Variants in SCD5 observed in about 807,000 individuals in gnomAD.
SCD5 encodes the protein acyl-CoA-desaturase 4.
In SCD5, 20 loss-of-function variants were observed where a neutral mutation model predicts 30.4. The observed-to-expected ratio is 0.66, with a 90% CI of 0.46 to 0.96. The LOEUF is 0.96. Ranked by LOEUF, SCD5 falls within the 40% of genes least tolerant of loss-of-function variation. The probability of loss-of-function intolerance (pLI) is 0.00; values close to 1 mark genes in which losing one functional copy is unlikely to be tolerated. For missense variants in SCD5, 381 were observed against 443.3 expected (o/e 0.86, Z 1.26); for synonymous variants, 173 against 176.4 (o/e 0.98, Z 0.16).
intron 2 of SCD5, among the ~76,000 whole-genome samples, chr4:82,700,987 T>C (rs1185925194): frequency 2.0e-5 from 3 of 152,168 alleles, no homozygotes; most frequent in East Asian, 1.9e-4. Flanking sequence ...TTATTCTTAA[T>C]CTAACACATA....
At chr4:82,778,224 G>A (rs1050081609) in intron 1 of SCD5, among the ~76,000 whole-genome samples, 1 of 152,104 alleles carries the variant, frequency 6.6e-6, no homozygotes, top group African/African-American at 2.4e-5. Flanking sequence ...TTGGGGGATT[G>A]GGGGTGAGGG....
intron 1 of SCD5, among the ~76,000 whole-genome samples, chr4:82,715,347 C>G (rs1360027511): frequency 6.6e-6 from 1 of 151,542 alleles, no homozygotes; most frequent in African/African-American, 2.4e-5. Context: ...ATTCTCCATG[C>G]ACCCCTGGCA....
chr4:82,676,094 G>A (rs2148820157), intron 3 of SCD5, among the ~76,000 whole-genome samples: 1 of 152,234 alleles, frequency 6.6e-6, no homozygotes, highest in East Asian at 1.9e-4. Flanking sequence ...TCAGCAATGT[G>A]CTCCCTTCAG....
At chr4:82,762,517 A>G (rs1213712534) in intron 1 of SCD5, among the ~76,000 whole-genome samples, 2 of 152,200 alleles carry the variant, frequency 1.3e-5, no homozygotes, top group African/African-American at 4.8e-5. Flanking sequence ...TGCTGGGATT[A>G]CAGGCGTGAG....
rs551927854 is a variant in SCD5 at position 82,732,310 on chromosome 4, G to A, written c.233-26897C>T. The stretch of plus-strand genomic sequence containing the variant: ...TCACCAAGTAGGCCAAACCTGTCTC[G>A]AACTCCCGACCTCAAGTGATCCGCC... On this transcript the variant is annotated intron_variant, in intron 1 of 4. Transcript: ENST00000319540. 2.3e-4 allele frequency among the ~76,000 whole-genome samples: 35 copies of A among 152,168 alleles called. No individual in the cohort carries two copies. In the East Asian group the frequency reaches 6.6e-3, roughly 29 times the overall value.
intron 3 of SCD5, among the ~76,000 whole-genome samples, chr4:82,668,206 A>G (rs1365287616): frequency 6.6e-6 from 1 of 152,222 alleles, no homozygotes; most frequent in African/African-American, 2.4e-5. Context: ...AAAGGAACAA[A>G]GCTGTCTGGC....
intron 1 of SCD5, among the ~76,000 whole-genome samples, chr4:82,790,791 A>G (rs953250377): frequency 6.6e-6 from 1 of 151,828 alleles, no homozygotes; most frequent in Admixed American, 6.6e-5. Context: ...ACACCTGAAT[A>G]GCATAAAATA....
intron 3 of SCD5, among the ~76,000 whole-genome samples, chr4:82,664,298 AC>A (rs1728116536): frequency 6.6e-6 from 1 of 152,000 alleles, no homozygotes; most frequent in Admixed American, 6.6e-5. Flanking sequence ...CCCAACCCCA[AC>A]CTCTTCCACC....
chr4:82,686,260 T>C (rs1459130932), intron 2 of SCD5, among the ~76,000 whole-genome samples: 2 of 152,114 alleles, frequency 1.3e-5, no homozygotes, highest in Non-Finnish European at 2.9e-5. Context: ...CCTGCTTCAG[T>C]CTCCCAAAGT....
chr4:82,770,916 TG>T (rs1187225119), intron 1 of SCD5, among the ~76,000 whole-genome samples: 1 of 152,246 alleles, frequency 6.6e-6, no homozygotes, highest in Non-Finnish European at 1.5e-5. Flanking sequence ...CCCAGACAGA[TG>T]GCCCCAGTAG....
At chr4:82,777,433 C>G (rs17006317) in intron 1 of SCD5, among the ~76,000 whole-genome samples, 6,827 of 152,266 alleles carry the variant, frequency 0.045, 212 homozygotes, top group African/African-American at 0.087. Context: ...ATGGTTTAGT[C>G]AATTCCCTGG....
At chr4:82,721,803 T>C (rs998241399) in intron 1 of SCD5, among the ~76,000 whole-genome samples, 4 of 152,220 alleles carry the variant, frequency 2.6e-5, no homozygotes, top group South Asian at 4.1e-4. Flanking sequence ...CCGTAGTACA[T>C]TGTTATAGGA....
At chr4:82,686,042 G>C (rs1203768529) in intron 2 of SCD5, among the ~76,000 whole-genome samples, 2 of 151,086 alleles carry the variant, frequency 1.3e-5, no homozygotes, top group Non-Finnish European at 2.9e-5. Context: ...GTCTCTCTCT[G>C]TCACCCAGGC....
intron 1 of SCD5, among the ~76,000 whole-genome samples, chr4:82,735,293 T>G (rs1720726619): frequency 6.6e-6 from 1 of 152,076 alleles, no homozygotes; most frequent in Non-Finnish European, 1.5e-5. Flanking sequence ...TTAGGTTGAT[T>G]GGCGTGTCTA....
At chr4:82,684,130 ATTTAT>A (rs960387094) in intron 2 of SCD5, among the ~76,000 whole-genome samples, 2 of 152,224 alleles carry the variant, frequency 1.3e-5, no homozygotes, top group Non-Finnish European at 2.9e-5. Context: ...AAACAGAGAT[ATTTAT>A]TTTCATTCCT....
intron 1 of SCD5, among the ~76,000 whole-genome samples, chr4:82,769,649 C>T (rs148628101): frequency 1.1e-3 from 171 of 152,116 alleles, no homozygotes; most frequent in Admixed American, 2.7e-3. Context: ...GTTAAAAATG[C>T]TCAGAAATAA....
chr4:82,797,962 C>G (rs1401220858), intron 1 of SCD5, among the ~76,000 whole-genome samples: 1 of 152,126 alleles, frequency 6.6e-6, no homozygotes, highest in African/African-American at 2.4e-5. Flanking sequence ...CAGCCTGTGC[C>G]GAGCCTCTCC....
Position 82,668,054 on chromosome 4 carries a change from A to G in SCD5, c.569+12653T>C, listed in dbSNP as rs528728287. On this transcript the variant is annotated intron_variant, in intron 3 of 4. Coordinates refer to ENST00000319540, the MANE Select transcript of SCD5 (RefSeq NM_001037582.3). ...ATTCCTCACTTCCCCACCAAAAACA[A>G]CAACAAAAAGAGTCTTGCTGAGCAA... Among the ~76,000 whole-genome samples, 6 of 152,348 alleles carry G rather than the reference A, an allele frequency of 3.9e-5. No individual in the cohort carries two copies. In the South Asian group the frequency reaches 1.2e-3, roughly 32 times the overall value.
chr4:82,774,131 T>C (rs927970838), intron 1 of SCD5, among the ~76,000 whole-genome samples: 6 of 145,620 alleles, frequency 4.1e-5, no homozygotes, highest in African/African-American at 7.6e-5. Flanking sequence ...CCTATGGAAA[T>C]GCATCTAGAA....
Sources: allele counts gnomAD v4.1 joint callset (sites outside exome capture counted in the v4.1 genomes callset), GRCh38; gene constraint gnomAD v4.1.1; transcripts MANE v1.5; gene names NCBI Gene and HGNC (gene_info 2026-07-23, HGNC 2026-07-21).